The following SEZ6L variants were observed in gnomAD, a reference collection of about 807,000 sequenced individuals.
SEZ6L encodes seizure 6-like protein.
SEZ6L carries 37 observed loss-of-function variants against 106.2 expected under a neutral mutation model. That is an observed-to-expected ratio of 0.35 (90% CI 0.27 to 0.46). SEZ6L has a LOEUF of 0.46. Ranked by LOEUF, SEZ6L falls within the 20% of genes least tolerant of loss-of-function variation. SEZ6L has a pLI of 1.00. For synonymous variants in SEZ6L, 541 were observed against 570.4 expected (o/e 0.95, Z 0.73); for missense variants, 1,172 against 1,332.8 (o/e 0.88, Z 1.88).
chr22:26,312,256 G>A (rs1459339015), intron 8 of SEZ6L, among the ~76,000 whole-genome samples: 1 of 152,208 alleles, frequency 6.6e-6, no homozygotes, highest in Non-Finnish European at 1.5e-5. Context: ...CCTCTGCTAC[G>A]CATGCTTGTG....
At chr22:26,307,738 A>G (rs2145916556) in intron 6 of SEZ6L, among the ~76,000 whole-genome samples, 1 of 152,308 alleles carries the variant, frequency 6.6e-6, no homozygotes, top group Admixed American at 6.5e-5. Flanking sequence ...GTGAAGGACC[A>G]TTTCCAAATC....
chr22:26,298,946 C>T (rs752209362), intron 4 of SEZ6L, 38 bp from the exon 5 acceptor site: 1 of 1,510,226 alleles, frequency 6.6e-7, no homozygotes, highest in Admixed American at 2.0e-5. Context: ...TCTGCCACTC[C>T]AAGTGATGAC....
At chr22:26,314,483 C>T (rs1029494147) in intron 9 of SEZ6L, among the ~76,000 whole-genome samples, 1 of 152,220 alleles carries the variant, frequency 6.6e-6, no homozygotes, top group African/African-American at 2.4e-5. Flanking sequence ...TGTTTGTCTC[C>T]CTCAACTAGA....
intron 1 of SEZ6L, among the ~76,000 whole-genome samples, chr22:26,227,402 T>A (rs738649): frequency 0.84 from 127,429 of 152,056 alleles, 53,674 homozygotes; most frequent in East Asian, 1. Flanking sequence ...TTTAGTAACA[T>A]AATAGGGCTT....
chr22:26,239,763 A>AT (rs982755856), intron 1 of SEZ6L, among the ~76,000 whole-genome samples: 1 of 151,820 alleles, frequency 6.6e-6, no homozygotes, highest in Non-Finnish European at 1.5e-5. Flanking sequence ...GTTGTAAAAC[A>AT]TTCTCTTTTC....
chr22:26,295,331 A>G (rs1208867767), intron 3 of SEZ6L, among the ~76,000 whole-genome samples: 9 of 152,212 alleles, frequency 5.9e-5, no homozygotes, highest in Non-Finnish European at 1.0e-4. Flanking sequence ...CATTATCTTC[A>G]GTATGCTAAT....
intron 9 of SEZ6L, among the ~76,000 whole-genome samples, chr22:26,338,756 C>T (rs2082724062): frequency 6.6e-6 from 1 of 151,864 alleles, no homozygotes. Context: ...CGGGGTTTCA[C>T]CATGTTGGCC....
intron 4 of SEZ6L, among the ~76,000 whole-genome samples, chr22:26,298,501 T>C (rs2081363045): frequency 6.6e-6 from 1 of 152,202 alleles, no homozygotes; most frequent in Non-Finnish European, 1.5e-5. Context: ...CTCACATTAG[T>C]TTTCTTTCTA....
chr22:26,269,464 A>G (rs2080292845), intron 1 of SEZ6L, among the ~76,000 whole-genome samples: 1 of 152,150 alleles, frequency 6.6e-6, no homozygotes, highest in African/African-American at 2.4e-5. Context: ...ACACCACCCC[A>G]GGTCAAGATT....
chr22:26,313,931 A>C, intron 9 of SEZ6L, 29 bp downstream of exon 9: 1 of 1,572,878 alleles, frequency 6.4e-7, no homozygotes. Context: ...TGGCCCTCTA[A>C]TTTGGCAAAA....
chr22:26,271,212 AAAC>A (rs1027965420), intron 1 of SEZ6L, among the ~76,000 whole-genome samples: 3 of 152,242 alleles, frequency 2.0e-5, no homozygotes, highest in African/African-American at 7.2e-5. Flanking sequence ...GTATGTATAT[AAAC>A]AACATTAGGT....
chr22:26,303,821 T>G (rs1171458190), intron 5 of SEZ6L, among the ~76,000 whole-genome samples: 1 of 152,168 alleles, frequency 6.6e-6, no homozygotes, highest in Non-Finnish European at 1.5e-5. Context: ...CACTTTTGCT[T>G]CCTCTCCTAT....
intron 1 of SEZ6L, among the ~76,000 whole-genome samples, chr22:26,242,150 T>C (rs780593932): frequency 2.6e-4 from 39 of 152,258 alleles, no homozygotes; most frequent in Non-Finnish European, 5.0e-4. Flanking sequence ...GCTGAAATCA[T>C]GGAGCCCCAA....
At chr22:26,353,882 T>C (rs596932) in intron 12 of SEZ6L, among the ~76,000 whole-genome samples, 78,895 of 148,414 alleles carry the variant, frequency 0.53, 21,525 homozygotes, top group Admixed American at 0.58. Flanking sequence ...GGACACAGTG[T>C]CTTCAACATC....
intron 6 of SEZ6L, among the ~76,000 whole-genome samples, chr22:26,308,778 T>A (rs1410600834): frequency 6.6e-6 from 1 of 152,190 alleles, no homozygotes; most frequent in Non-Finnish European, 1.5e-5. Flanking sequence ...CTAGAAAATA[T>A]GGTTAGAAAA....
intron 1 of SEZ6L, among the ~76,000 whole-genome samples, chr22:26,268,904 G>A (rs990905948): frequency 2.0e-5 from 3 of 152,298 alleles, no homozygotes; most frequent in Admixed American, 6.5e-5. Context: ...ATACTGCCTG[G>A]TTTATTTACC....
chr22:26,284,604 CAA>C (rs137198), intron 1 of SEZ6L, among the ~76,000 whole-genome samples: 15 of 64,032 alleles, frequency 2.3e-4, no homozygotes, highest in African/African-American at 4.5e-4. Context: ...ATCAGGACTC[CAA>C]AAAAAAAAAA....
chr22:26,306,124 G>A lies in SEZ6L; in HGVS notation c.1494G>A (p.Leu498=), dbSNP rs1473880473. Residue 498 remains leucine (L), a synonymous_variant, in exon 6 of 17, where the codon CTG becomes CTA. Coordinates refer to ENST00000248933, the MANE Select transcript of SEZ6L (RefSeq NM_021115.5). The part of the protein sequence containing the change: ...GQKLHLHFER[L]LLHDKDRMTV... ...AGCTGCACCTGCACTTTGAGAGGCT[G>A]TTGCTGCATGACAAGGACAGGTAAA... The A allele has an allele frequency of 1.2e-6, 2 of 1,613,860 alleles. No individual in the cohort carries two copies. Among genetic ancestry groups the A allele is most frequent in the Admixed American group, 1.7e-5 (1 of 60,020 alleles).
chr22:26,255,431 G>A (rs2145804501), intron 1 of SEZ6L, among the ~76,000 whole-genome samples: 1 of 152,310 alleles, frequency 6.6e-6, no homozygotes, highest in South Asian at 2.1e-4. Flanking sequence ...TCAAAGTGGT[G>A]TCTCCAAACA....
Sources: allele counts gnomAD v4.1 joint callset (sites outside exome capture counted in the v4.1 genomes callset), GRCh38; gene constraint gnomAD v4.1.1; transcripts MANE v1.5; gene names NCBI Gene and HGNC (gene_info 2026-07-23, HGNC 2026-07-21).